SEMA5A: variants seen among roughly 807,000 people sequenced by gnomAD.
The protein encoded by SEMA5A is semaphorin-5A.
In SEMA5A, 55 loss-of-function variants were observed where a neutral mutation model predicts 135.5. The observed-to-expected ratio is 0.41, with a 90% confidence interval of 0.33 to 0.51. The LOEUF (loss-of-function observed/expected upper bound fraction) is 0.51. Among genes scored for constraint, SEMA5A ranks in the 20% least tolerant of loss-of-function variants. SEMA5A has a pLI of 0.37. For missense variants in SEMA5A, 1,290 were observed against 1,419.9 expected (o/e 0.91, Z 1.47); for synonymous variants, 580 against 546.5 (o/e 1.06, Z -0.85).
At chr5:9,304,890 CTT>C (rs1579312585) in intron 5 of SEMA5A, among the ~76,000 whole-genome samples, 2 of 152,258 alleles carry the variant, frequency 1.3e-5, no homozygotes, top group East Asian at 3.9e-4. Context: ...ATAATTGTCT[CTT>C]GTTTTTCTAT....
chr5:9,246,661 G>A (rs1748498467), intron 5 of SEMA5A, among the ~76,000 whole-genome samples: 2 of 152,128 alleles, frequency 1.3e-5, no homozygotes, highest in African/African-American at 4.8e-5. Flanking sequence ...CACCAACCGA[G>A]CTTAGTAAGA....
chr5:9,482,174 G>A lies in SEMA5A; in HGVS notation c.-174-44322C>T, dbSNP rs1341062863. Among the ~76,000 whole-genome samples, 3 of 152,188 alleles carry A rather than the reference G, an allele frequency of 2.0e-5. No individual in the cohort carries two copies. The South Asian group carries it at 6.2e-4, about 31-fold the overall frequency. On this transcript the variant is annotated intron_variant, in intron 1 of 22. Coordinates refer to ENST00000382496, the MANE Select transcript of SEMA5A (RefSeq NM_003966.3). ...GATGCCCGTGAATATGCCAGGAGCT[G>A]AGAGCTGAACAGTACCTGACATTTC...
chr5:9,221,584 G>A (rs1041715209), intron 8 of SEMA5A, among the ~76,000 whole-genome samples: 3 of 152,126 alleles, frequency 2.0e-5, no homozygotes, highest in Non-Finnish European at 2.9e-5. Context: ...TTACAGGCGT[G>A]AGCCACCGCG....
At chr5:9,192,150 C>T (rs1367679841) in intron 10 of SEMA5A, among the ~76,000 whole-genome samples, 2 of 152,150 alleles carry the variant, frequency 1.3e-5, no homozygotes, top group Admixed American at 6.5e-5. Flanking sequence ...GTGAAGGGCT[C>T]AGCCCTGCCA....
intron 3 of SEMA5A, among the ~76,000 whole-genome samples, chr5:9,350,100 G>C (rs1754049910): frequency 1.3e-5 from 2 of 152,124 alleles, no homozygotes. Context: ...TTAAGAACAG[G>C]CTTCCTTGGT....
chr5:9,282,819 T>C (rs1292521182), intron 5 of SEMA5A, among the ~76,000 whole-genome samples: 1 of 152,174 alleles, frequency 6.6e-6, no homozygotes, highest in Non-Finnish European at 1.5e-5. Context: ...TCCCACTTTC[T>C]AATCCTTAAA....
intron 4 of SEMA5A, among the ~76,000 whole-genome samples, chr5:9,324,814 T>C (rs1752796797): frequency 6.6e-6 from 1 of 152,160 alleles, no homozygotes; most frequent in African/African-American, 2.4e-5. Context: ...GAAAACAATA[T>C]GCGTGAGGTT....
At chr5:9,258,828 T>C (rs1199885955) in intron 5 of SEMA5A, among the ~76,000 whole-genome samples, 3 of 144,360 alleles carry the variant, frequency 2.1e-5, no homozygotes, top group Admixed American at 7.0e-5. Context: ...TTTTTTTTTT[T>C]CCCTGAGATG....
At position 9,062,986 on chromosome 5, in the gene SEMA5A, G is replaced by T; in HGVS notation, c.2419C>A (p.Arg807=). 1.2e-6 allele frequency: 2 copies of T among 1,614,214 alleles called. No individual in the cohort carries two copies. The highest frequency in any genetic ancestry group is 1.3e-5 in the African/African-American group (1 of 75,062). The part of the protein sequence containing the change: ...SRDCSRGIRN[R]KRVCNNPEPK... ...TCGGGGTTGTTGCAAACACGCTTCCGGTTCCGAATGCCCCTGCTGCAGTCA... is the reference window on the plus strand; with the variant it reads ...TCGGGGTTGTTGCAAACACGCTTCCTGTTCCGAATGCCCCTGCTGCAGTCA... Residue 807 remains arginine, a synonymous_variant, in exon 18 of 23, where the codon CGG becomes AGG. Transcript: ENST00000382496.
chr5:9,300,903 G>A (rs28648910), intron 5 of SEMA5A, among the ~76,000 whole-genome samples: 21,184 of 152,112 alleles, frequency 0.14, 1,553 homozygotes, highest in South Asian at 0.19. Context: ...TCTTCAAAGG[G>A]AGTGGAGCCC....
chr5:9,058,403 C>A (rs2150057480), intron 18 of SEMA5A, among the ~76,000 whole-genome samples: 1 of 152,272 alleles, frequency 6.6e-6, no homozygotes, highest in Non-Finnish European at 1.5e-5. Flanking sequence ...ACATAGGAAT[C>A]TCCTCATGGC....
intron 10 of SEMA5A, 128 bp downstream of exon 10, chr5:9,197,040 T>G: frequency 7.6e-7 from 1 of 1,319,774 alleles, no homozygotes; most frequent in Non-Finnish European, 1.1e-6. Flanking sequence ...GGGCTGTCCA[T>G]GAGGGGCCAG....
intron 16 of SEMA5A, among the ~76,000 whole-genome samples, chr5:9,092,586 AT>A (rs1739095083): frequency 6.6e-6 from 1 of 152,224 alleles, no homozygotes; most frequent in Non-Finnish European, 1.5e-5. Flanking sequence ...ATTAGAAAGA[AT>A]TTGAAATAAT....
chr5:9,331,205 A>C (rs1382466196), intron 4 of SEMA5A, among the ~76,000 whole-genome samples: 1 of 152,186 alleles, frequency 6.6e-6, no homozygotes, highest in Non-Finnish European at 1.5e-5. Context: ...CCAAGGTAAA[A>C]TTTTCAAGTA....
At chr5:9,379,191 T>G (rs939973718) in intron 3 of SEMA5A, among the ~76,000 whole-genome samples, 10 of 152,236 alleles carry the variant, frequency 6.6e-5, no homozygotes, top group Admixed American at 6.5e-4. Context: ...CAATGTCTCA[T>G]TCATCATATT....
At chr5:9,376,320 G>A (rs905092954) in intron 3 of SEMA5A, among the ~76,000 whole-genome samples, 3 of 152,132 alleles carry the variant, frequency 2.0e-5, no homozygotes, top group Non-Finnish European at 2.9e-5. Flanking sequence ...GCCAGGACCC[G>A]CAATGCTCCC....
In SEMA5A at chr5:9,379,874, G is replaced by A; in HGVS notation, c.73C>T (p.Gln25Ter). The change falls in exon 3 of 23, where the codon CAG becomes TAG. Residue 25 changes from glutamine (Q) to a stop codon, truncating the protein, a stop_gained. Transcript: ENST00000382496. LOFTEE classifies it high-confidence loss of function. ...GTTCTCTGGCACTGAGTCGTACCCT[G>A]GGCCTCTGGGTGGGCGAGTCTCCAC... ...GLWRLAHPEA[Q>*]GTTQCQRTEH... The A allele has an allele frequency of 6.2e-7, 1 of 1,614,064 alleles. No individual in the cohort carries two copies. The highest frequency in any genetic ancestry group is 8.5e-7 in the Non-Finnish European group (1 of 1,179,992).
intron 5 of SEMA5A, among the ~76,000 whole-genome samples, chr5:9,251,852 ATAAC>A (rs1182889293): frequency 6.6e-6 from 1 of 152,210 alleles, no homozygotes; most frequent in Admixed American, 6.5e-5. Context: ...TCTGCCCATC[ATAAC>A]TAACTCTACC....
intron 2 of SEMA5A, among the ~76,000 whole-genome samples, chr5:9,430,060 G>A (rs1181120421): frequency 6.6e-6 from 1 of 152,206 alleles, no homozygotes; most frequent in African/African-American, 2.4e-5. Flanking sequence ...CAGTGAAGGT[G>A]CTGAGAAGTG....
Sources: allele counts gnomAD v4.1 joint callset (sites outside exome capture counted in the v4.1 genomes callset), GRCh38; gene constraint gnomAD v4.1.1; transcripts MANE v1.5; gene names NCBI Gene and HGNC (gene_info 2026-07-23, HGNC 2026-07-21).